Variants in MACROD2 observed in about 807,000 individuals in gnomAD.
The protein encoded by MACROD2 is ADP-ribose glycohydrolase MACROD2.
MACROD2 carries 36 observed loss-of-function variants against 70.4 expected under a neutral mutation model. The ratio of observed to expected loss-of-function variants is 0.51; its 90% CI spans 0.39 to 0.68. The LOEUF (loss-of-function observed/expected upper bound fraction) is 0.68. Ranked by LOEUF, MACROD2 falls within the 30% of genes least tolerant of loss-of-function variation. The pLI is 0.00. For synonymous variants in MACROD2, 172 were observed against 178.8 expected (o/e 0.96, Z 0.30); for missense variants, 496 against 538.4 (o/e 0.92, Z 0.78).
chr20:15,213,236 C>T (rs2076779265), intron 5 of MACROD2, among the ~76,000 whole-genome samples: 1 of 152,168 alleles, frequency 6.6e-6, no homozygotes, highest in African/African-American at 2.4e-5. Context: ...CCTGATTATT[C>T]TGGTGCAGGG....
At chr20:15,579,418 C>T (rs1416576460) in intron 8 of MACROD2, among the ~76,000 whole-genome samples, 2 of 152,052 alleles carry the variant, frequency 1.3e-5, no homozygotes, top group Non-Finnish European at 2.9e-5. Flanking sequence ...AAAATAGACC[C>T]GAGAAATAGG....
intron 15 of MACROD2, among the ~76,000 whole-genome samples, chr20:16,019,468 C>T (rs570079254): frequency 2.0e-5 from 3 of 152,206 alleles, no homozygotes; most frequent in African/African-American, 4.8e-5. Flanking sequence ...CACAGTGTGG[C>T]GCTTGCCATC....
chr20:15,103,313 G>T (rs1213197578), intron 5 of MACROD2, among the ~76,000 whole-genome samples: 1 of 152,122 alleles, frequency 6.6e-6, no homozygotes, highest in African/African-American at 2.4e-5. Context: ...ATGTAGACTT[G>T]CCAAGTCCAG....
At chr20:14,372,952 G>A (rs1361590040) in intron 3 of MACROD2, among the ~76,000 whole-genome samples, 2 of 151,872 alleles carry the variant, frequency 1.3e-5, no homozygotes, top group African/African-American at 2.4e-5. Flanking sequence ...TCCTCCCTGG[G>A]GCATACTGTC....
intron 2 of MACROD2, among the ~76,000 whole-genome samples, chr20:14,084,017 G>C (rs990739324): frequency 1.6e-5 from 2 of 124,046 alleles, no homozygotes; most frequent in African/African-American, 3.0e-5. Context: ...AGCCGAGATC[G>C]CGCCACTGCA....
chr20:14,346,093 CAAAAAAAAAAAAAAAAA>C (rs71190130), intron 3 of MACROD2, among the ~76,000 whole-genome samples: 2 of 41,174 alleles, frequency 4.9e-5, no homozygotes, highest in African/African-American at 2.1e-4. Flanking sequence ...GATTCTGCCT[CAAAAAAAAAAAAAAAAA>C]AAAAAAAAAA....
intron 5 of MACROD2, among the ~76,000 whole-genome samples, chr20:15,166,601 T>C (rs2076385683): frequency 6.6e-6 from 1 of 151,956 alleles, no homozygotes; most frequent in South Asian, 2.1e-4. Flanking sequence ...TAAGATCATC[T>C]CAATAGAAAC....
intron 12 of MACROD2, among the ~76,000 whole-genome samples, chr20:15,948,482 T>C (rs1035007187): frequency 6.6e-6 from 1 of 150,978 alleles, no homozygotes; most frequent in African/African-American, 2.5e-5. Context: ...CAAATTTGTT[T>C]TTTACTATGA....
At chr20:14,574,099 G>T (rs1041011423) in intron 4 of MACROD2, among the ~76,000 whole-genome samples, 1 of 152,184 alleles carries the variant, frequency 6.6e-6, no homozygotes, top group Non-Finnish European at 1.5e-5. Context: ...GAACGACACT[G>T]CTGCCTGTGA....
At chr20:15,218,904 G>C (rs550650740) in intron 5 of MACROD2, among the ~76,000 whole-genome samples, 1 of 152,158 alleles carries the variant, frequency 6.6e-6, no homozygotes, top group Non-Finnish European at 1.5e-5. Context: ...AAATTAGCCA[G>C]GCGTGGCGGC....
At chr20:14,402,172 A>T (rs967032817) in intron 3 of MACROD2, among the ~76,000 whole-genome samples, 1 of 152,090 alleles carries the variant, frequency 6.6e-6, no homozygotes, top group Non-Finnish European at 1.5e-5. Context: ...TCTGGCTTTA[A>T]TTTGTTGCCT....
chr20:15,960,241 C>T (rs955746682), intron 12 of MACROD2, among the ~76,000 whole-genome samples: 1 of 152,202 alleles, frequency 6.6e-6, no homozygotes, highest in South Asian at 2.1e-4. Context: ...CTATTACTCA[C>T]CAGTCATCTG....
chr20:14,857,429 T>C (rs1185002237), intron 5 of MACROD2, among the ~76,000 whole-genome samples: 1 of 152,214 alleles, frequency 6.6e-6, no homozygotes, highest in African/African-American at 2.4e-5. Flanking sequence ...AGCTTCCTTA[T>C]GTGCTGCATT....
chr20:15,940,127 C>G (rs2065729122), intron 12 of MACROD2, among the ~76,000 whole-genome samples: 1 of 152,116 alleles, frequency 6.6e-6, no homozygotes, highest in African/African-American at 2.4e-5. Context: ...GAGTTTCACT[C>G]TTGTTGCCCA....
At chr20:15,502,728 G>A (rs1270764017) in intron 8 of MACROD2, among the ~76,000 whole-genome samples, 1 of 152,122 alleles carries the variant, frequency 6.6e-6, no homozygotes, top group Non-Finnish European at 1.5e-5. Flanking sequence ...CAGCCAATAG[G>A]ACTAGAGGAT....
intron 4 of MACROD2, among the ~76,000 whole-genome samples, chr20:14,515,465 G>GCGCACACACACACACACACACA (rs1369248292): frequency 1.3e-4 from 16 of 127,170 alleles, no homozygotes; most frequent in African/African-American, 2.5e-4. Context: ...ACACACACAC[G>GCGCACACACACACACACACACA]CACACACACA....
chr20:15,486,840 A>G (rs949799021), intron 7 of MACROD2, among the ~76,000 whole-genome samples: 2 of 152,212 alleles, frequency 1.3e-5, no homozygotes, highest in Non-Finnish European at 2.9e-5. Flanking sequence ...CACTCAATGT[A>G]TCAGTCATAT....
At chr20:14,710,846 G>T (rs1396458081) in intron 5 of MACROD2, among the ~76,000 whole-genome samples, 1 of 152,110 alleles carries the variant, frequency 6.6e-6, no homozygotes, top group Non-Finnish European at 1.5e-5. Flanking sequence ...TGTTTCTCCT[G>T]ATTGATAATC....
chr20:15,721,587 T>C (rs1054426223), intron 8 of MACROD2, among the ~76,000 whole-genome samples: 3 of 152,210 alleles, frequency 2.0e-5, no homozygotes, highest in Non-Finnish European at 4.4e-5. Context: ...TTGATTTATT[T>C]TAGAATTTTT....
Sources: allele counts gnomAD v4.1 joint callset (sites outside exome capture counted in the v4.1 genomes callset), GRCh38; gene constraint gnomAD v4.1.1; transcripts MANE v1.5; gene names NCBI Gene and HGNC (gene_info 2026-07-23, HGNC 2026-07-21).